The following HMCN1 variants were observed in gnomAD, a reference collection of about 807,000 sequenced individuals.
The protein encoded by HMCN1 is hemicentin 1, also known as hemicentin-1.
In HMCN1, 321 loss-of-function variants were observed where a neutral mutation model predicts 625.9. That is an observed-to-expected ratio of 0.51 (90% CI 0.47 to 0.56). The LOEUF is 0.56. Ranked by LOEUF, HMCN1 falls within the 20% of genes least tolerant of loss-of-function variation. The probability of loss-of-function intolerance (pLI) is 0.00; values close to 1 mark genes in which losing one functional copy is unlikely to be tolerated. For synonymous variants in HMCN1, 2,425 were observed against 2,417.6 expected (o/e 1.00, Z -0.09); for missense variants, 6,588 against 6,887.3 (o/e 0.96, Z 1.54).
chr1:186,037,885 T>G (rs1655940440), intron 36 of HMCN1, 49 bp from the exon 37 acceptor site: 1 of 1,115,186 alleles, frequency 9.0e-7, no homozygotes, highest in Middle Eastern at 2.0e-4. Flanking sequence ...CAATTTCAGC[T>G]TAAATATTCT....
intron 40 of HMCN1, among the ~76,000 whole-genome samples, chr1:186,045,331 G>T (rs1047931528): frequency 6.6e-6 from 1 of 152,056 alleles, no homozygotes; most frequent in African/African-American, 2.4e-5. Flanking sequence ...TATTGAATGC[G>T]TATTCACTCT....
intron 11 of HMCN1, among the ~76,000 whole-genome samples, chr1:185,937,532 G>A (rs963290684): frequency 3.3e-5 from 5 of 152,088 alleles, no homozygotes; most frequent in Non-Finnish European, 7.4e-5. Context: ...CAAATTCAGG[G>A]AGACACATTC....
Position 186,151,316 on chromosome 1 carries a change from C to A in HMCN1, c.14725C>A (p.Arg4909Ser), listed in dbSNP as rs761393256. Residue 4909 changes from arginine to serine, a missense_variant, in exon 94 of 107, where the codon CGT becomes AGT. Around this residue, in one of 3 missense-constraint regions of HMCN1, gnomAD observed 1,954 missense variants for 2,013.1 expected, o/e 0.97. Transcript: ENST00000271588. ...DSPNSDTRII[R>S]AKITNVPRSL... ...CCCTAACTCTGATACTAGAATAATACGTGCCAAAATTACCAATGTACCTCG... is the reference window on the plus strand; with the variant it reads ...CCCTAACTCTGATACTAGAATAATAAGTGCCAAAATTACCAATGTACCTCG... The A allele has an allele frequency of 6.2e-7, 1 of 1,613,602 alleles. No individual in the cohort carries two copies. The highest frequency in any genetic ancestry group is 2.2e-5 in the East Asian group (1 of 44,864).
intron 9 of HMCN1, 78 bp from the exon 10 acceptor site, chr1:185,928,467 CA>C: frequency 8.2e-7 from 1 of 1,223,092 alleles, no homozygotes; most frequent in African/African-American, 1.5e-5. Context: ...AATGAACCTT[CA>C]AAAGAAATAG....
At chr1:185,795,923 C>T (rs146629549) in intron 1 of HMCN1, among the ~76,000 whole-genome samples, 3 of 152,278 alleles carry the variant, frequency 2.0e-5, no homozygotes, top group East Asian at 1.9e-4. Context: ...CTTATGGTGC[C>T]TGCTATAGCT....
intron 4 of HMCN1, among the ~76,000 whole-genome samples, chr1:185,901,065 T>G (rs138123050): frequency 1.3e-3 from 192 of 152,006 alleles, no homozygotes; most frequent in Non-Finnish European, 2.4e-3. Context: ...AAAATTCTAT[T>G]AAATGTTTAA....
In HMCN1 at chr1:186,153,863, C is replaced by A; in HGVS notation, c.15132C>A (p.Phe5044Leu). The A allele has an allele frequency of 6.2e-7, 1 of 1,614,158 alleles. No individual in the cohort carries two copies. The highest frequency in any genetic ancestry group is 8.5e-7 in the Non-Finnish European group (1 of 1,180,014). ...CATACACATGGAACCACACCGTTTT[C>A]TATGATCAGGCACAGGGAAGAATGC... The part of the protein sequence containing the change: ...SIPYTWNHTV[F>L]YDQAQGRMPF... The change falls in exon 97 of 107, where the codon TTC (phenylalanine) becomes TTA (leucine). Residue 5044 changes from phenylalanine to leucine, a missense_variant. Around this residue, in one of 3 missense-constraint regions of HMCN1, gnomAD observed 1,954 missense variants for 2,013.1 expected, o/e 0.97. Coordinates refer to ENST00000271588, the MANE Select transcript of HMCN1 (RefSeq NM_031935.3).
chr1:185,748,132 C>T (rs1452085591), intron 1 of HMCN1, among the ~76,000 whole-genome samples: 1 of 141,076 alleles, frequency 7.1e-6, no homozygotes, highest in Non-Finnish European at 1.5e-5. Context: ...AGATATTGTA[C>T]TATCTGGAAT....
Position 186,117,597 on chromosome 1 carries a change from G to C in HMCN1, c.11822G>C (p.Gly3941Ala). ...AATGGTATAAGACTGCTTCCCAGGG[G>C]AGATGGCTATAGAATTCTGTCCTCA... ...TKNGIRLLPRGDGYRILSSGA... is the reference protein window; with the variant it reads ...TKNGIRLLPRADGYRILSSGA... Residue 3941 changes from glycine (G) to alanine (A), a missense_variant, in exon 77 of 107, where the codon GGA (glycine) becomes GCA (alanine). Physicochemically the swap from Gly to Ala is moderately conservative, Grantham distance 60. Transcript: ENST00000271588. 5 of 1,613,806 alleles carry C rather than the reference G, an allele frequency of 3.1e-6. No homozygotes were observed. Among genetic ancestry groups the C allele is most frequent in the Non-Finnish European group, 4.2e-6 (5 of 1,179,800 alleles).
chr1:186,099,757 G>A (rs1331593737), intron 68 of HMCN1, among the ~76,000 whole-genome samples: 2 of 152,068 alleles, frequency 1.3e-5, no homozygotes, highest in African/African-American at 4.8e-5. Context: ...TTTCTCACCT[G>A]GAGGTAATAC....
intron 36 of HMCN1, among the ~76,000 whole-genome samples, chr1:186,025,331 G>C (rs1571735741): frequency 2.0e-5 from 3 of 152,284 alleles, no homozygotes; most frequent in South Asian, 4.1e-4. Context: ...ATAAAGAATA[G>C]AGTGTATGTC....
chr1:186,103,213 A>C (rs1429159155), intron 68 of HMCN1, among the ~76,000 whole-genome samples: 1 of 152,160 alleles, frequency 6.6e-6, no homozygotes, highest in East Asian at 1.9e-4. Context: ...GTTCTAATTA[A>C]CTGAGTTTGA....
intron 103 of HMCN1, 27 bp downstream of exon 103, chr1:186,174,669 A>G (rs754284246): frequency 2.5e-6 from 4 of 1,613,002 alleles, no homozygotes; most frequent in Non-Finnish European, 3.4e-6. Flanking sequence ...TTGTTGAGCA[A>G]TAAAGCTACT....
intron 10 of HMCN1, among the ~76,000 whole-genome samples, chr1:185,933,103 A>G (rs1667636353): frequency 6.6e-6 from 1 of 152,032 alleles, no homozygotes; most frequent in African/African-American, 2.4e-5. Context: ...TTCATTAATG[A>G]GACTGTAACC....
chr1:186,023,328 C>T (rs1414089219), intron 36 of HMCN1, among the ~76,000 whole-genome samples, 175 bp downstream of exon 36: 4 of 144,290 alleles, frequency 2.8e-5, no homozygotes, highest in African/African-American at 5.2e-5. Context: ...TTTCATTGCT[C>T]GTGTTAGGAT....
intron 11 of HMCN1, among the ~76,000 whole-genome samples, chr1:185,946,107 G>A (rs1341292396): frequency 1.3e-5 from 2 of 152,240 alleles, no homozygotes; most frequent in Non-Finnish European, 2.9e-5. Flanking sequence ...ACAGCTGGAA[G>A]GATGGGAGAT....
chr1:186,168,878 A>T (rs977689748), intron 100 of HMCN1, among the ~76,000 whole-genome samples: 2 of 152,028 alleles, frequency 1.3e-5, no homozygotes, highest in Admixed American at 1.3e-4. Context: ...CCCGTCACCT[A>T]CATTAGGTAT....
intron 30 of HMCN1, among the ~76,000 whole-genome samples, chr1:186,007,563 C>A (rs1391541863): frequency 3.3e-5 from 5 of 152,004 alleles, no homozygotes; most frequent in African/African-American, 1.2e-4. Flanking sequence ...AGTATATACA[C>A]AAACCAAATG....
At chr1:186,038,764 TC>T in intron 37 of HMCN1, 64 bp from the exon 38 acceptor site, 1 of 890,096 alleles carries the variant, frequency 1.1e-6, no homozygotes, top group South Asian at 1.3e-5. Flanking sequence ...TTAGCTAAGA[TC>T]CAACTTAGTA....
Sources: gnomAD v4.1 joint callset for allele counts (sites outside exome capture counted in the v4.1 genomes callset) on GRCh38, gnomAD v4.1.1 for gene constraint, gnomAD v4.1.1 regional missense constraint, MANE v1.5 for transcripts, NCBI Gene and HGNC (gene_info 2026-07-23, HGNC 2026-07-21) for gene names.